The following RBFOX2 variants were observed in gnomAD, a reference collection of about 807,000 sequenced individuals.
The protein encoded by RBFOX2 is RNA binding protein fox-1 homolog 2.
Under a neutral mutation model 49.1 loss-of-function variants are expected in RBFOX2, and 10 were observed. The observed-to-expected ratio is 0.20, with a 90% CI of 0.13 to 0.35. The LOEUF (loss-of-function observed/expected upper bound fraction) is 0.35. Among genes scored for constraint, RBFOX2 ranks in the 10% least tolerant of loss-of-function variants. RBFOX2 has a pLI of 1.00. For missense variants in RBFOX2, 323 were observed against 486.9 expected (o/e 0.66, Z 3.17); for synonymous variants, 183 against 187.4 (o/e 0.98, Z 0.19).
chr22:35,913,293 C>T (rs2050028845), intron 1 of RBFOX2, among the ~76,000 whole-genome samples: 1 of 151,892 alleles, frequency 6.6e-6, no homozygotes, highest in South Asian at 2.1e-4. Context: ...GCCTGGGCAA[C>T]ATAGTGAGAC....
intron 1 of RBFOX2, among the ~76,000 whole-genome samples, chr22:35,901,056 T>C (rs957768856): frequency 1.3e-5 from 2 of 152,318 alleles, no homozygotes; most frequent in African/African-American, 2.4e-5. Flanking sequence ...TGCCACAACT[T>C]TGCATGCATT....
intron 1 of RBFOX2, among the ~76,000 whole-genome samples, chr22:36,002,664 C>T (rs1422593565): frequency 2.0e-5 from 3 of 152,262 alleles, no homozygotes; most frequent in Non-Finnish European, 4.4e-5. Context: ...CACTCTGTCA[C>T]CCAAGCTCAA....
chr22:35,976,924 A>G (rs1337969475), intron 1 of RBFOX2, among the ~76,000 whole-genome samples: 1 of 151,568 alleles, frequency 6.6e-6, no homozygotes, highest in Non-Finnish European at 1.5e-5. Context: ...AGATCGCGTC[A>G]CTGCACTCCA....
intron 1 of RBFOX2, among the ~76,000 whole-genome samples, chr22:35,932,023 T>G (rs753124630): frequency 3.3e-5 from 5 of 152,332 alleles, no homozygotes; most frequent in Non-Finnish European, 7.3e-5. Context: ...TCAACATATA[T>G]GTATGTGTGT....
At position 35,986,065 on chromosome 22, in the gene RBFOX2, A is replaced by C. The variant is rs201919720; in HGVS notation, c.186+42175T>G. Among the ~76,000 whole-genome samples the C allele has an allele frequency of 7.9e-5, 12 of 152,276 alleles. No homozygotes were observed. The East Asian group carries it at 1.9e-3, about 25-fold the overall frequency. ...ATTCTAACCTCTCCCTCAGATTATA[A>C]AAGCAGCCAGTCCGCTATATTTTTA... On this transcript the variant is annotated intron_variant, in intron 1 of 13. Coordinates refer to the RBFOX2 transcript ENST00000438146.
At chr22:35,943,625 G>A (rs938297579), upstream of RBFOX2, among the ~76,000 whole-genome samples, 2 of 152,132 alleles carry the variant, frequency 1.3e-5, no homozygotes, top group Admixed American at 6.5e-5. Context: ...CTGGCCAGGC[G>A]CGGTGGCTCA....
chr22:35,833,355 G>C (rs1037014564), intron 1 of RBFOX2, among the ~76,000 whole-genome samples: 1 of 152,164 alleles, frequency 6.6e-6, no homozygotes, highest in Non-Finnish European at 1.5e-5. Flanking sequence ...AAAATGAGAA[G>C]GAGTGAGAAG....
intron 1 of RBFOX2, among the ~76,000 whole-genome samples, chr22:35,887,166 T>C (rs113677202): frequency 6.6e-6 from 1 of 151,954 alleles, no homozygotes; most frequent in Non-Finnish European, 1.5e-5. Context: ...TTAAATGTCA[T>C]ATTAAAACAA....
intron 1 of RBFOX2, among the ~76,000 whole-genome samples, chr22:35,871,401 C>A (rs1018174455): frequency 2.6e-5 from 4 of 152,098 alleles, no homozygotes; most frequent in Non-Finnish European, 5.9e-5. Context: ...GACTGCATAA[C>A]CTCAATATGC....
intron 1 of RBFOX2, among the ~76,000 whole-genome samples, chr22:35,863,187 A>G (rs145510512): frequency 6.6e-6 from 1 of 152,254 alleles, no homozygotes; most frequent in Non-Finnish European, 1.5e-5. Context: ...GTAACATTTT[A>G]CAAAATATGT....
chr22:35,918,261 T>C (rs2050647715), intron 1 of RBFOX2, among the ~76,000 whole-genome samples: 1 of 152,180 alleles, frequency 6.6e-6, no homozygotes, highest in Admixed American at 6.5e-5. Context: ...TAAAAAGACT[T>C]ACATCCTGAG....
intron 9 of RBFOX2, chr22:35,752,627 C>A (rs1421382801): frequency 1.0e-6 from 1 of 984,142 alleles, no homozygotes; most frequent in Non-Finnish European, 1.2e-6. Context: ...GGTATTTTAG[C>A]GCTAATGATT....
exon 5 of RBFOX2, chr22:35,768,321 C>A (rs1290612024): frequency 1.9e-6 from 3 of 1,614,042 alleles, no homozygotes; most frequent in South Asian, 1.1e-5. Context: ...TGCATCAGCA[C>A]TATTCTCGAA....
chr22:35,772,709 G>C (rs12167330), intron 4 of RBFOX2, among the ~76,000 whole-genome samples: 1 of 152,088 alleles, frequency 6.6e-6, no homozygotes. Context: ...GTATTTATTA[G>C]GTGTATGGTT....
intron 1 of RBFOX2, among the ~76,000 whole-genome samples, chr22:35,918,102 G>A (rs2050628718): frequency 6.6e-6 from 1 of 152,210 alleles, no homozygotes; most frequent in African/African-American, 2.4e-5. Context: ...CCAAGCTGAT[G>A]TCCTCTACCC....
In RBFOX2 at chr22:35,749,576, C is replaced by A. The variant is rs1049453501; in HGVS notation, c.888-3015G>T. On this transcript the variant is annotated intron_variant, in intron 9 of 11. Transcript: ENST00000405409. This position sits in a 1 kb window ranked among gnomAD's most constrained non-coding sequence, Gnocchi z 4.1. The stretch of plus-strand genomic sequence containing the variant: ...ATTTTTGCTGCTTTATTCAACAAAA[C>A]ATATCACAAAATGTGAGAAAAAGAA... Among the ~76,000 whole-genome samples the A allele has an allele frequency of 6.6e-6, 1 of 152,028 alleles. No individual in the cohort carries two copies. Among genetic ancestry groups the A allele is most frequent in the Non-Finnish European group, 1.5e-5 (1 of 67,994 alleles).
At chr22:35,818,312 C>G (rs1263289018) in intron 1 of RBFOX2, among the ~76,000 whole-genome samples, 1 of 152,206 alleles carries the variant, frequency 6.6e-6, no homozygotes, top group Admixed American at 6.5e-5. Context: ...AAGGCCCTTA[C>G]AATTAATAGT....
rs1474254562 is a variant in RBFOX2, at chr22:35,971,930, A to AAAC, written c.187-33034_187-33033insGTT. ...TTCTCCCTAAAAAAAAAAAAAAAAAAAAAAAAAACACTCTCTAAAACCACT... is the reference window on the plus strand; with the variant it reads ...TTCTCCCTAAAAAAAAAAAAAAAAAAAACAAAAAAAACACTCTCTAAAACCACT... On this transcript the variant is annotated intron_variant, in intron 1 of 13. Coordinates refer to the RBFOX2 transcript ENST00000438146. Among the ~76,000 whole-genome samples the AAAC allele has an allele frequency of 5.3e-5, 8 of 150,836 alleles. 1 individual carries two copies. The highest frequency in any genetic ancestry group is 2.0e-4 in the African/African-American group (8 of 40,924).
At chr22:35,772,264 T>G (rs1249809260) in intron 4 of RBFOX2, among the ~76,000 whole-genome samples, 1 of 152,180 alleles carries the variant, frequency 6.6e-6, no homozygotes, top group African/African-American at 2.4e-5. Flanking sequence ...TTGTCTACAC[T>G]AGCACTGCAG....
Sources: allele counts gnomAD v4.1 joint callset (sites outside exome capture counted in the v4.1 genomes callset), GRCh38; gene constraint gnomAD v4.1.1; non-coding constraint Gnocchi (gnomAD v3.1); transcripts MANE v1.5; gene names NCBI Gene and HGNC (gene_info 2026-07-23, HGNC 2026-07-21).